Variants in NEDD4 observed in about 807,000 individuals in gnomAD.
NEDD4 encodes E3 ubiquitin-protein ligase NEDD4.
A neutral mutation model predicts 144.9 loss-of-function variants in NEDD4; 99 were observed. That is an observed-to-expected ratio of 0.68 (90% CI 0.58 to 0.81). The LOEUF (loss-of-function observed/expected upper bound fraction) is 0.81. Among genes scored for constraint, NEDD4 ranks in the 30% least tolerant of loss-of-function variants. NEDD4 has a pLI of 0.00. For missense variants in NEDD4, 985 were observed against 1,065.9 expected (o/e 0.92, Z 1.06); for synonymous variants, 318 against 350.6 (o/e 0.91, Z 1.04).
intron 1 of NEDD4, among the ~76,000 whole-genome samples, chr15:55,984,041 T>A (rs770621984): frequency 3.9e-5 from 6 of 152,218 alleles, no homozygotes; most frequent in Non-Finnish European, 7.3e-5. Context: ...TATATCATTA[T>A]ACCTCATGCC....
intron 2 of NEDD4, among the ~76,000 whole-genome samples, chr15:55,959,333 CA>C (rs1205320551): frequency 6.6e-6 from 1 of 152,014 alleles, no homozygotes; most frequent in Non-Finnish European, 1.5e-5. Context: ...TATTGGTTTC[CA>C]ATTGAATTCC....
At chr15:55,904,885 G>A (rs1235113365) in intron 5 of NEDD4, among the ~76,000 whole-genome samples, 2 of 151,956 alleles carry the variant, frequency 1.3e-5, no homozygotes, top group Non-Finnish European at 2.9e-5. Flanking sequence ...CTGAGGTTGG[G>A]AGTTTGAGAC....
At chr15:55,921,674 G>C (rs1438797166) in intron 5 of NEDD4, among the ~76,000 whole-genome samples, 1 of 151,984 alleles carries the variant, frequency 6.6e-6, no homozygotes, top group Non-Finnish European at 1.5e-5. Context: ...TTTTCATATG[G>C]TTAAAAGTTT....
At position 55,942,317 on chromosome 15, in the gene NEDD4, T is replaced by G. The variant is rs578094895; in HGVS notation, c.237+9059A>C. ...AATACAACCATTAACATATTTTTTCTGGTGTTTGTATGGTATCTCATATGG... is the reference window on the plus strand; with the variant it reads ...AATACAACCATTAACATATTTTTTCGGGTGTTTGTATGGTATCTCATATGG... On this transcript the variant is annotated intron_variant, in intron 4 of 28. Coordinates refer to ENST00000435532, the MANE Select transcript of NEDD4 (RefSeq NM_006154.4). Among the ~76,000 whole-genome samples, 2 of 152,314 alleles carry G rather than the reference T, an allele frequency of 1.3e-5. 1 individual carries two copies. Among genetic ancestry groups the G allele is most frequent in the Admixed American group, 1.3e-4 (2 of 15,302 alleles).
At chr15:55,895,761 G>T (rs2063493855) in intron 5 of NEDD4, among the ~76,000 whole-genome samples, 1 of 152,230 alleles carries the variant, frequency 6.6e-6, no homozygotes, top group Admixed American at 6.5e-5. Flanking sequence ...GAGAAACCAG[G>T]AGGAGTGAGC....
intron 4 of NEDD4, among the ~76,000 whole-genome samples, chr15:55,949,108 G>GA (rs1189250082): frequency 2.4e-4 from 36 of 151,956 alleles, no homozygotes; most frequent in Admixed American, 9.2e-4. Flanking sequence ...AAATTTACAA[G>GA]AAAAAAACAA....
chr15:55,935,876 A>G (rs1332220567), intron 4 of NEDD4, among the ~76,000 whole-genome samples: 2 of 150,296 alleles, frequency 1.3e-5, no homozygotes, highest in African/African-American at 4.9e-5. Context: ...GATACTCAGC[A>G]AAAAGCTCTC....
At chr15:55,889,883 A>T (rs1278955561) in intron 5 of NEDD4, among the ~76,000 whole-genome samples, 1 of 152,012 alleles carries the variant, frequency 6.6e-6, no homozygotes, top group African/African-American at 2.4e-5. Context: ...TGTATTTTTT[A>T]GTAGAGATGG....
chr15:55,906,484 G>A (rs1247841552), intron 5 of NEDD4, among the ~76,000 whole-genome samples: 4 of 152,154 alleles, frequency 2.6e-5, no homozygotes, highest in Admixed American at 6.5e-5. Flanking sequence ...CCTCTGTAGG[G>A]ACATGGATGA....
At position 55,919,311 on chromosome 15, in the gene NEDD4, T is replaced by C. The variant is rs2036526869; in HGVS notation, c.291+5335A>G. Among the ~76,000 whole-genome samples, 2 of 152,172 alleles carry C rather than the reference T, an allele frequency of 1.3e-5. 1 individual carries two copies. The highest frequency in any genetic ancestry group is 4.1e-4 in the South Asian group (2 of 4,832). On this transcript the variant is annotated intron_variant, in intron 5 of 28. Coordinates refer to ENST00000435532, the MANE Select transcript of NEDD4 (RefSeq NM_006154.4). ...AGGATTTTTCTTGTTGTTGTTGAAG[T>C]TGATCCAGCCGCCACTTTTAAAGAA...
intron 18 of NEDD4, among the ~76,000 whole-genome samples, chr15:55,843,957 A>C (rs546929447): frequency 6.6e-6 from 1 of 152,282 alleles, no homozygotes; most frequent in Non-Finnish European, 1.5e-5. Context: ...GTGAAAAACA[A>C]GTGTAAATGA....
intron 14 of NEDD4, among the ~76,000 whole-genome samples, chr15:55,850,193 T>C (rs901730742): frequency 6.6e-6 from 1 of 152,102 alleles, no homozygotes; most frequent in Non-Finnish European, 1.5e-5. Context: ...CCTCACAAGG[T>C]TTTTTTGATA....
intron 5 of NEDD4, among the ~76,000 whole-genome samples, chr15:55,899,177 T>G (rs1213036758): frequency 2.6e-5 from 4 of 152,164 alleles, no homozygotes; most frequent in South Asian, 2.1e-4. Flanking sequence ...GTAGTTTTTC[T>G]TCTTCTTTTT....
intron 7 of NEDD4, among the ~76,000 whole-genome samples, chr15:55,870,965 C>T (rs66857236): frequency 0.066 from 10,049 of 152,118 alleles, 430 homozygotes; most frequent in Non-Finnish European, 0.098. Flanking sequence ...GTAGCAATTA[C>T]CCTTTGTCTT....
intron 5 of NEDD4, among the ~76,000 whole-genome samples, chr15:55,913,865 T>C (rs1308890581): frequency 6.6e-6 from 1 of 152,008 alleles, no homozygotes; most frequent in Non-Finnish European, 1.5e-5. Flanking sequence ...GATTATTTCA[T>C]TAAGTGTAAA....
Position 55,829,959 on chromosome 15 carries a change from C to G in NEDD4, c.2641G>C (p.Glu881Gln). 2 of 1,613,712 alleles carry G rather than the reference C, an allele frequency of 1.2e-6. No individual in the cohort carries two copies. Among genetic ancestry groups the G allele is most frequent in the Non-Finnish European group, 1.7e-6 (2 of 1,179,868 alleles). The change falls in exon 29 of 29, where the codon GAA becomes CAA. Residue 881 changes from glutamate (E) to glutamine (Q), a missense_variant. Transcript: ENST00000435532. ...LDLPPYESFE[E>Q]LWDKLQMAIE... ...GCCATCTGAAGTTTATCCCATAATTCTTCAAATGATTCATAAGGTGGCAAG... is the reference window on the plus strand; with the variant it reads ...GCCATCTGAAGTTTATCCCATAATTGTTCAAATGATTCATAAGGTGGCAAG...
intron 1 of NEDD4, among the ~76,000 whole-genome samples, chr15:55,984,017 G>A (rs1359315097): frequency 3.3e-5 from 5 of 152,076 alleles, no homozygotes; most frequent in Middle Eastern, 3.4e-3. Flanking sequence ...CTATAAAATC[G>A]GTAAAGTATA....
At chr15:55,850,045 C>G (rs1029263260) in intron 14 of NEDD4, among the ~76,000 whole-genome samples, 13 of 152,026 alleles carry the variant, frequency 8.6e-5, no homozygotes, top group Admixed American at 8.5e-4. Context: ...GTGATCTCCC[C>G]CCTCGGCCTC....
intron 4 of NEDD4, among the ~76,000 whole-genome samples, chr15:55,931,000 G>A (rs2036769421): frequency 1.3e-5 from 2 of 152,074 alleles, no homozygotes; most frequent in South Asian, 4.1e-4. Flanking sequence ...TTTAAAAACT[G>A]TACATACAAG....
Sources: gnomAD v4.1 joint callset for allele counts (sites outside exome capture counted in the v4.1 genomes callset) on GRCh38, gnomAD v4.1.1 for gene constraint, MANE v1.5 for transcripts, NCBI Gene and HGNC (gene_info 2026-07-23, HGNC 2026-07-21) for gene names.